ZZEF1: variants seen among roughly 807,000 people sequenced by gnomAD.
ZZEF1 encodes zinc finger ZZ-type and EF-hand domain containing 1.
In ZZEF1, 157 loss-of-function variants were observed where a neutral mutation model predicts 342.8. The ratio of observed to expected loss-of-function variants is 0.46; its 90% CI spans 0.40 to 0.52. ZZEF1 has a LOEUF of 0.52. ZZEF1 is among the 20% of genes least tolerant of loss of function. The pLI is 0.00. For missense variants in ZZEF1, 3,480 were observed against 3,725.6 expected (o/e 0.93, Z 1.72); for synonymous variants, 1,505 against 1,429.1 (o/e 1.05, Z -1.20).
chr17:4,045,133 G>A (rs551229921), intron 37 of ZZEF1, among the ~76,000 whole-genome samples: 11 of 151,766 alleles, frequency 7.2e-5, no homozygotes, highest in African/African-American at 2.2e-4. Context: ...CAGCCTGGGC[G>A]ACAGAGCAAG....
rs201136550 is a variant in ZZEF1, at chr17:4,074,189, G to A, written c.3646C>T (p.Arg1216Cys). ...AGCGCCATGCACTGGGAAGCCAGGC[G>A]TCCCATCAGCCGGGAGACGAGGAGC... ...LQLLVSRLMG[R>C]LASQCMALKS... Residue 1216 changes from arginine (R) to cysteine (C), a missense_variant, in exon 24 of 55, where the codon CGC (arginine) becomes TGC (cysteine). Transcript: ENST00000381638. The A allele has an allele frequency of 1.8e-4, 287 of 1,614,022 alleles. No homozygotes were observed. In the East Asian group the frequency reaches 4.3e-3, roughly 24 times the overall value.
intron 5 of ZZEF1, 99 bp from the exon 6 acceptor site, chr17:4,109,962 G>C (rs891026325): frequency 9.2e-7 from 1 of 1,092,812 alleles, no homozygotes; most frequent in Non-Finnish European, 1.3e-6. Flanking sequence ...ATTTTGAAAA[G>C]AAAATTCTGA....
chr17:4,019,099 A>T (rs1325877682), intron 46 of ZZEF1, among the ~76,000 whole-genome samples: 2 of 151,934 alleles, frequency 1.3e-5, no homozygotes, highest in Admixed American at 6.6e-5. Flanking sequence ...TCACCTCATA[A>T]AGGCTTTTAG....
At chr17:4,074,389 G>C (rs376656568) in intron 23 of ZZEF1, 38 bp from the exon 24 acceptor site, 2 of 1,600,552 alleles carry the variant, frequency 1.2e-6, no homozygotes, top group Non-Finnish European at 8.6e-7. Context: ...AGACAGATTA[G>C]AGGAGGAGTG....
In ZZEF1 at chr17:4,082,454, T is replaced by C; in HGVS notation, c.2697A>G (p.Ser899=). Residue 899 remains serine (S), a synonymous_variant, in exon 17 of 55, where the codon TCA becomes TCG. Transcript: ENST00000381638. ...HKQSLQLTFR[S]LCTYFSDKDP... is the part of the protein sequence containing the mutation. Reference sequence around the variant, plus strand: ...CAGCTTACCTAAAATACGTGCACAGTGAACGGAAAGTGAGCTGCAGGGACT... The same window carrying C: ...CAGCTTACCTAAAATACGTGCACAGCGAACGGAAAGTGAGCTGCAGGGACT... 6.2e-7 allele frequency: 1 copy of C among 1,614,102 alleles called. No homozygotes were observed. The highest frequency in any genetic ancestry group is 8.5e-7 in the Non-Finnish European group (1 of 1,179,968).
rs747984718 is a variant in ZZEF1 at position 4,086,653 on chromosome 17, G to A, written c.2345C>T (p.Pro782Leu). The change falls in exon 15 of 55, where the codon CCG becomes CTG. Residue 782 changes from proline to leucine, a missense_variant and splice_region_variant. By Grantham distance (98) the Pro-to-Leu change is moderately conservative (BLOSUM62 -3). Around this residue, in one of 5 missense-constraint regions of ZZEF1, gnomAD observed 1,528 missense variants for 1,624.1 expected, o/e 0.94. Coordinates refer to ENST00000381638, the MANE Select transcript of ZZEF1 (RefSeq NM_015113.4). The part of the protein sequence containing the change: ...WNFYSKLKQN[P>L]REECVSAQTL... ...TTGGGCAGAGACGCATTCTTCCCTCGGGCTACAGAAAGACAAAAAACATCA... is the reference window on the plus strand; with the variant it reads ...TTGGGCAGAGACGCATTCTTCCCTCAGGCTACAGAAAGACAAAAAACATCA... 1.9e-5 allele frequency: 30 copies of A among 1,613,320 alleles called. No individual in the cohort carries two copies. Among genetic ancestry groups the A allele is most frequent in the South Asian group, 1.8e-4 (16 of 91,032 alleles).
At chr17:4,074,656 G>A (rs1184602586) in intron 23 of ZZEF1, among the ~76,000 whole-genome samples, 1 of 152,132 alleles carries the variant, frequency 6.6e-6, no homozygotes, top group Non-Finnish European at 1.5e-5. Context: ...CAAGACCACT[G>A]ACCATGGAGA....
intron 1 of ZZEF1, among the ~76,000 whole-genome samples, chr17:4,140,156 A>G (rs1290322249): frequency 2.0e-5 from 3 of 152,200 alleles, no homozygotes; most frequent in Admixed American, 1.3e-4. Context: ...CTACCTGGAC[A>G]TTTTCATAAG....
At chr17:4,116,299 C>T (rs966992829) in intron 3 of ZZEF1, among the ~76,000 whole-genome samples, 2 of 152,152 alleles carry the variant, frequency 1.3e-5, no homozygotes, top group African/African-American at 4.8e-5. Context: ...GCAACAAGAA[C>T]GAAACTCAGT....
At position 4,019,641 on chromosome 17, in the gene ZZEF1, A is replaced by G. The variant is rs754261433; in HGVS notation, c.7505+28T>C. On this transcript the variant is annotated intron_variant, in intron 46 of 54. Transcript: ENST00000381638. ...CCTCACATATTCTCTCCCTGGCCAC[A>G]CTTCAGCTGCACGGAAATGTCCCTT... The G allele has an allele frequency of 1.9e-5, 31 of 1,598,944 alleles. No homozygotes were observed. The Middle Eastern group carries it at 3.6e-3, about 185-fold the overall frequency.
chr17:4,036,473 G>A (rs2056665584), intron 39 of ZZEF1, among the ~76,000 whole-genome samples: 1 of 151,864 alleles, frequency 6.6e-6, no homozygotes, highest in Non-Finnish European at 1.5e-5. Flanking sequence ...GGTGGCTCAC[G>A]CCTGTAATCC....
intron 39 of ZZEF1, among the ~76,000 whole-genome samples, chr17:4,036,423 A>G (rs2056664486): frequency 6.6e-6 from 1 of 152,148 alleles, no homozygotes; most frequent in Non-Finnish European, 1.5e-5. Context: ...GCCATATTGG[A>G]TACCTTCAGT....
In ZZEF1 at chr17:4,096,546, G is replaced by A. The variant is rs1597885498; in HGVS notation, c.1764+63C>T. The A allele has an allele frequency of 9.6e-6, 13 of 1,360,136 alleles. No homozygotes were observed. The East Asian group carries it at 2.1e-4, about 22-fold the overall frequency. 84.3% of individuals were successfully genotyped at this position (1,360,136 alleles called of 1,614,324 possible). On this transcript the variant is annotated intron_variant, in intron 10 of 54. Coordinates refer to ENST00000381638, the MANE Select transcript of ZZEF1 (RefSeq NM_015113.4). ...CCCCACAAATATATATACCTACTAT[G>A]TACCCATAAAAATTGAAAACAAAAG...
At chr17:4,062,988 C>T in intron 29 of ZZEF1, 71 bp from the exon 30 acceptor site, 1 of 1,480,162 alleles carries the variant, frequency 6.8e-7, no homozygotes, top group Non-Finnish European at 9.1e-7. Context: ...ATATCCCCGC[C>T]AAAGCCCTGA....
rs752044879 is a variant in ZZEF1 at position 4,034,198 on chromosome 17, T to C, written c.6401A>G (p.His2134Arg). ...CTGGCCGAGAAGACCCAGGGTGAGA[T>C]GGTAGGTTTCATTCAGGTGGCCTGC... ...SNAGHLNETY[H>R]LTLGLLGQLI... The change falls in exon 40 of 55, where the codon CAT becomes CGT. Residue 2134 changes from histidine to arginine, a missense_variant. Around this residue, in one of 5 missense-constraint regions of ZZEF1, gnomAD observed 1,269 missense variants for 1,342.4 expected, o/e 0.95. Transcript: ENST00000381638. 3 of 1,614,140 alleles carry C rather than the reference T, an allele frequency of 1.9e-6. No individual in the cohort carries two copies. Among genetic ancestry groups the C allele is most frequent in the Non-Finnish European group, 2.5e-6 (3 of 1,180,028 alleles).
At chr17:4,082,797 C>T (rs542227036) in intron 16 of ZZEF1, among the ~76,000 whole-genome samples, 12 of 151,766 alleles carry the variant, frequency 7.9e-5, no homozygotes, top group Non-Finnish European at 1.3e-4. Flanking sequence ...TTTTTTGAGA[C>T]GGAATTTCGC....
At chr17:4,058,634 G>A (rs1597827368) in intron 31 of ZZEF1, among the ~76,000 whole-genome samples, 1 of 152,156 alleles carries the variant, frequency 6.6e-6, no homozygotes, top group Admixed American at 6.5e-5. Flanking sequence ...CAGCACTTTG[G>A]GAGGCCGAGG....
At chr17:4,082,965 G>A (rs1402679160) in intron 16 of ZZEF1, among the ~76,000 whole-genome samples, 2 of 151,994 alleles carry the variant, frequency 1.3e-5, no homozygotes, top group African/African-American at 2.4e-5. Context: ...TAGTAGAGAC[G>A]GGGTTTCACC....
chr17:4,072,845 C>T, intron 24 of ZZEF1, 89 bp from the exon 25 acceptor site: 1 of 1,319,118 alleles, frequency 7.6e-7, no homozygotes, highest in Admixed American at 2.4e-5. Context: ...TTAAAAAAAA[C>T]CATGGATACT....
Sources: allele counts gnomAD v4.1 joint callset (sites outside exome capture counted in the v4.1 genomes callset), GRCh38; gene constraint gnomAD v4.1.1; regional missense constraint gnomAD v4.1.1; transcripts MANE v1.5; gene names NCBI Gene and HGNC (gene_info 2026-07-23, HGNC 2026-07-21).